RAI14: variants seen among roughly 807,000 people sequenced by gnomAD.
RAI14 encodes retinoic acid induced 14, also known as ankycorbin.
In RAI14, 45 loss-of-function variants were observed where a neutral mutation model predicts 115.4. The ratio of observed to expected loss-of-function variants is 0.39; its 90% CI spans 0.31 to 0.50. The LOEUF (loss-of-function observed/expected upper bound fraction) is 0.50, where lower values mean the gene tolerates loss of function less well. RAI14 is among the 20% of genes least tolerant of loss of function. The pLI is 0.85. For synonymous variants in RAI14, 371 were observed against 415.4 expected (o/e 0.89, Z 1.30); for missense variants, 939 against 1,131.2 (o/e 0.83, Z 2.44).
chr5:34,682,728 G>A (rs1048506494), intron 1 of RAI14, among the ~76,000 whole-genome samples: 1 of 152,146 alleles, frequency 6.6e-6, no homozygotes, highest in Non-Finnish European at 1.5e-5. Context: ...TCAGTGGGTA[G>A]GTGTGCTTTA....
At chr5:34,797,392 T>TA (rs1485669140) in intron 4 of RAI14, among the ~76,000 whole-genome samples, 3 of 151,730 alleles carry the variant, frequency 2.0e-5, no homozygotes, top group South Asian at 2.1e-4. Flanking sequence ...TGTGAGGACT[T>TA]AAAAAAAAGA....
chr5:34,669,436 G>C (rs1436249050), intron 1 of RAI14, among the ~76,000 whole-genome samples: 2 of 152,110 alleles, frequency 1.3e-5, no homozygotes, highest in Non-Finnish European at 2.9e-5. Context: ...TACAACAAAG[G>C]GTATTTGATT....
intron 2 of RAI14, among the ~76,000 whole-genome samples, chr5:34,751,871 G>A (rs1356724893): frequency 1.3e-5 from 2 of 152,184 alleles, no homozygotes; most frequent in Non-Finnish European, 2.9e-5. Context: ...TTAATGCCTT[G>A]TGGAAGAAGA....
intron 2 of RAI14, among the ~76,000 whole-genome samples, chr5:34,735,394 G>A (rs993772143): frequency 1.3e-5 from 2 of 152,108 alleles, no homozygotes; most frequent in African/African-American, 2.4e-5. Context: ...TAGCATTTTA[G>A]GTGTCCTATG....
intron 2 of RAI14, among the ~76,000 whole-genome samples, chr5:34,754,461 C>G (rs1747607987): frequency 6.6e-6 from 1 of 152,090 alleles, no homozygotes; most frequent in African/African-American, 2.4e-5. Context: ...GTCTCGAACT[C>G]AAGCAATCCT....
At chr5:34,804,184 T>C (rs1390663203) in intron 5 of RAI14, among the ~76,000 whole-genome samples, 1 of 152,192 alleles carries the variant, frequency 6.6e-6, no homozygotes, top group Non-Finnish European at 1.5e-5. Flanking sequence ...CAGCTCTTCT[T>C]TGAGAAGCAA....
chr5:34,813,507 G>A, intron 10 of RAI14, 67 bp from the exon 11 acceptor site: 1 of 1,050,224 alleles, frequency 9.5e-7, no homozygotes, highest in Non-Finnish European at 1.4e-6. Context: ...GTTTGATAAA[G>A]CTACTTGCCC....
Position 34,799,635 on chromosome 5 carries a change from T to G in RAI14, c.256+3608T>G, listed in dbSNP as rs79794469. On this transcript the variant is annotated intron_variant, in intron 4 of 17. Coordinates refer to ENST00000265109, the MANE Select transcript of RAI14 (RefSeq NM_015577.3). ...TGGTCAAATTGGTATAATTTCCTAC[T>G]TTTTAAACTTTTGACTGAATTTAAG... 5.4e-3 allele frequency among the ~76,000 whole-genome samples: 824 copies of G among 152,072 alleles called. 9 individuals are homozygous for G. Among genetic ancestry groups the G allele is most frequent in the African/African-American group, 0.019 (799 of 41,452 alleles).
chr5:34,743,173 A>T (rs1280631905), intron 2 of RAI14, among the ~76,000 whole-genome samples: 1 of 152,236 alleles, frequency 6.6e-6, no homozygotes, highest in East Asian at 1.9e-4. Context: ...GATTACCACC[A>T]GCTGTGGCTT....
Position 34,682,247 on chromosome 5 carries a change from T to C in RAI14, c.-48-4625T>C, listed in dbSNP as rs189346359. 2.7e-3 allele frequency among the ~76,000 whole-genome samples: 414 copies of C among 152,314 alleles called. 4 individuals carry two copies. The highest frequency in any genetic ancestry group is 9.6e-3 in the African/African-American group (398 of 41,554). On this transcript the variant is annotated intron_variant, in intron 1 of 17. Transcript: ENST00000265109. ...AACAGCTTTGTTGAGATATCATTCA[T>C]ATACCATTCACTTCACCTCCTGAAA...
intron 2 of RAI14, among the ~76,000 whole-genome samples, chr5:34,697,373 T>C (rs901143112): frequency 6.0e-5 from 9 of 151,170 alleles, no homozygotes; most frequent in African/African-American, 2.2e-4. Flanking sequence ...GAGGCAGAGG[T>C]TGTGGTGACC....
At chr5:34,822,403 T>C (rs1377199923) in intron 14 of RAI14, among the ~76,000 whole-genome samples, 1 of 151,002 alleles carries the variant, frequency 6.6e-6, no homozygotes, top group Admixed American at 6.6e-5. Context: ...GCAAGTAGAA[T>C]GATATAAGAA....
chr5:34,706,332 T>C (rs1334347752), intron 2 of RAI14, among the ~76,000 whole-genome samples: 1 of 152,256 alleles, frequency 6.6e-6, no homozygotes, highest in Non-Finnish European at 1.5e-5. Context: ...TCATGGAATA[T>C]GTGTATCATT....
At chr5:34,723,281 G>T (rs1743029726) in intron 2 of RAI14, among the ~76,000 whole-genome samples, 4 of 152,060 alleles carry the variant, frequency 2.6e-5, no homozygotes. Context: ...AAAGGAGATT[G>T]ATTGATTCTA....
chr5:34,819,526 A>G (rs1396971904), intron 13 of RAI14, among the ~76,000 whole-genome samples: 3 of 152,216 alleles, frequency 2.0e-5, no homozygotes, highest in Non-Finnish European at 4.4e-5. Flanking sequence ...ATGAAGTCAT[A>G]TGTAATCATA....
intron 13 of RAI14, 90 bp downstream of exon 13, chr5:34,818,941 G>C (rs530464550): frequency 8.4e-7 from 1 of 1,185,440 alleles, no homozygotes; most frequent in South Asian, 1.4e-5. Flanking sequence ...CTGGGGTACT[G>C]TGTAAAAATG....
In RAI14 at chr5:34,679,305, G is replaced by A. The variant is rs139030658; in HGVS notation, c.-48-7567G>A. ...ACTGTGGTATGTCTGTGTTTCCAGC[G>A]TAACCGTAGTGCTCATTCATTCATT... is the stretch of plus-strand genomic sequence containing the variant. On this transcript the variant is annotated intron_variant, in intron 1 of 17. Coordinates refer to ENST00000265109, the MANE Select transcript of RAI14 (RefSeq NM_015577.3). Among the ~76,000 whole-genome samples the A allele has an allele frequency of 1.6e-3, 250 of 152,326 alleles. 2 individuals are homozygous for A. The highest frequency in any genetic ancestry group is 3.0e-3 in the Non-Finnish European group (202 of 68,038).
rs142254453 is a variant in RAI14 at position 34,830,565 on chromosome 5, T to A, written c.2866-123T>A. 3.8e-4 allele frequency: 574 copies of A among 1,492,240 alleles called. 6 individuals carry two copies. The African/African-American group carries it at 7.1e-3, about 18-fold the overall frequency. The allele number at this position is 1,492,240 out of a possible 1,614,324, so 92.4% of individuals were successfully genotyped here. ...ATTTGGGAAATGATAGGGCTGACAT[T>A]CCTGTGAAAGATGTGGGAATTAGCC... is the stretch of plus-strand genomic sequence containing the variant. On this transcript the variant is annotated intron_variant, in intron 17 of 17. Transcript: ENST00000265109.
At chr5:34,800,097 G>C (rs1311909448) in intron 4 of RAI14, among the ~76,000 whole-genome samples, 1 of 152,160 alleles carries the variant, frequency 6.6e-6, no homozygotes, top group Non-Finnish European at 1.5e-5. Context: ...ATAAGGCCTT[G>C]GATGTGATTA....
Sources: gnomAD v4.1 joint callset for allele counts (sites outside exome capture counted in the v4.1 genomes callset) on GRCh38, gnomAD v4.1.1 for gene constraint, MANE v1.5 for transcripts, NCBI Gene and HGNC (gene_info 2026-07-23, HGNC 2026-07-21) for gene names.